Variants in BIN2 observed in about 807,000 individuals in gnomAD.
BIN2 encodes bridging integrator 2, also known as breast cancer associated protein BRAP1.
In BIN2, 43 loss-of-function variants were observed where a neutral mutation model predicts 67.9. The ratio of observed to expected loss-of-function variants is 0.63; its 90% confidence interval spans 0.50 to 0.82. BIN2 has a LOEUF of 0.82. Among genes scored for constraint, BIN2 ranks in the 40% least tolerant of loss-of-function variants. The probability of loss-of-function intolerance (pLI) is 0.00; values close to 1 mark genes in which losing one functional copy is unlikely to be tolerated. For synonymous variants in BIN2, 244 were observed against 246.8 expected, an observed-to-expected ratio of 0.99 and a Z score of 0.11; for missense variants, 581 against 671.6, an observed-to-expected ratio of 0.87 and a Z score of 1.49.
chr12:51,292,091 C>T lies in BIN2; in HGVS notation c.1015G>A (p.Ala339Thr). 1.9e-6 allele frequency: 3 copies of T among 1,614,138 alleles called. No individual in the cohort carries two copies. The highest frequency in any genetic ancestry group is 8.5e-7 in the Non-Finnish European group (1 of 1,180,012). ...TGGGCCTGGGCGGGGCCATTGCAGG[C>T]TGGTAGAGGCTCATCTTCCTCAGAG... ...SSSEEDEPLP[A>T]CNGPAQAQPS... The change falls in exon 10 of 13, where the codon GCC becomes ACC. Residue 339 changes from alanine to threonine, a missense_variant. Transcript: ENST00000615107.
intron 1 of BIN2, among the ~76,000 whole-genome samples, chr12:51,318,016 AGAAAT>A (rs1946177413): frequency 6.6e-6 from 1 of 152,168 alleles, no homozygotes; most frequent in Admixed American, 6.6e-5. Context: ...AAAAGAAAAA[AGAAAT>A]AGAGTATAAA....
intron 6 of BIN2, 119 bp from the exon 7 acceptor site, chr12:51,299,407 TC>T: frequency 9.4e-7 from 1 of 1,058,954 alleles, no homozygotes; most frequent in Admixed American, 1.9e-5. Flanking sequence ...TCCCTCTTCT[TC>T]CCCTGACCAT....
chr12:51,313,204 AAGGAAGGAAGGAAGGAAGGC>A (rs1410582143), intron 2 of BIN2, among the ~76,000 whole-genome samples: 2 of 142,798 alleles, frequency 1.4e-5, no homozygotes, highest in Non-Finnish European at 3.1e-5. Flanking sequence ...GGAAGGAAGG[AAGGAAGGAAGGAAGGAAGGC>A]AGGAAGGCAG....
chr12:51,310,178 T>C (rs564915254), intron 2 of BIN2, among the ~76,000 whole-genome samples: 1 of 152,208 alleles, frequency 6.6e-6, no homozygotes, highest in African/African-American at 2.4e-5. Context: ...AAAACCTGAA[T>C]CTCATCAAGC....
intron 11 of BIN2, 67 bp downstream of exon 11, chr12:51,288,041 A>AG: frequency 8.4e-7 from 1 of 1,184,908 alleles, no homozygotes; most frequent in Non-Finnish European, 1.2e-6. Flanking sequence ...TTCTGGAAAA[A>AG]GAAAAATAAA....
chr12:51,284,688 A>G, intron 12 of BIN2, 28 bp downstream of exon 12: 1 of 1,551,848 alleles, frequency 6.4e-7, no homozygotes, highest in Non-Finnish European at 8.9e-7. Flanking sequence ...TCTAATGCCC[A>G]ATCTATTCTC....
chr12:51,299,522 C>T, intron 6 of BIN2, 85 bp downstream of exon 6: 3 of 1,253,578 alleles, frequency 2.4e-6, no homozygotes, highest in South Asian at 2.4e-5. Context: ...TTCCTATACC[C>T]ATGTTGGCCC....
intron 2 of BIN2, among the ~76,000 whole-genome samples, chr12:51,310,375 ATAAACT>A (rs1317198390): frequency 1.3e-5 from 2 of 152,216 alleles, no homozygotes; most frequent in Admixed American, 6.5e-5. Context: ...CTTAAATCTA[ATAAACT>A]TAAACATGTC....
At chr12:51,302,888 G>A in intron 3 of BIN2, 108 bp from the exon 4 acceptor site, 2 of 1,190,856 alleles carry the variant, frequency 1.7e-6, no homozygotes, top group South Asian at 1.3e-5. Context: ...AACTCAGAAG[G>A]TTTAGGTTAT....
At chr12:51,319,565 G>A (rs1326541333) in intron 1 of BIN2, among the ~76,000 whole-genome samples, 2 of 152,190 alleles carry the variant, frequency 1.3e-5, no homozygotes, top group Non-Finnish European at 2.9e-5. Context: ...ATCCTGCTTT[G>A]AGAATTCTGT....
chr12:51,317,365 T>C lies in BIN2; in HGVS notation c.82-3462A>G, dbSNP rs114402333. Among the ~76,000 whole-genome samples, 587 of 152,248 alleles carry C rather than the reference T, an allele frequency of 3.9e-3. 1 individual carries two copies. Among genetic ancestry groups the C allele is most frequent in the African/African-American group, 0.014 (567 of 41,556 alleles). On this transcript the variant is annotated intron_variant, in intron 1 of 12. Transcript: ENST00000615107. The stretch of plus-strand genomic sequence containing the variant: ...AGTGGAGCCTTGGAGTAGGATTTTC[T>C]AGACTGAAATAGAGTATAGGGGCTA...
At chr12:51,299,368 T>A in intron 6 of BIN2, 80 bp from the exon 7 acceptor site, 1 of 1,394,682 alleles carries the variant, frequency 7.2e-7, no homozygotes, top group South Asian at 1.2e-5. Context: ...CCTCTGCATT[T>A]TTTTAGGCAC....
At position 51,284,797 on chromosome 12, in the gene BIN2, G is replaced by A. The variant is rs1173064024; in HGVS notation, c.1597-10C>T. ...GAAGCTGGTCTTGGCCCTACAAAGA[G>A]AAGAGTTCTGCCAGTAAGAGGTGGC... On this transcript the variant is annotated splice_polypyrimidine_tract_variant and intron_variant, in intron 11 of 12. Coordinates refer to ENST00000615107, the MANE Select transcript of BIN2 (RefSeq NM_016293.4). 1 of 1,608,858 alleles carries A rather than the reference G, an allele frequency of 6.2e-7. No individual in the cohort carries two copies. The highest frequency in any genetic ancestry group is 2.2e-5 in the East Asian group (1 of 44,838).
intron 1 of BIN2, among the ~76,000 whole-genome samples, chr12:51,319,464 CA>C (rs1946214329): frequency 6.6e-6 from 1 of 152,220 alleles, no homozygotes; most frequent in Non-Finnish European, 1.5e-5. Context: ...ACAGGGTGTA[CA>C]GATGCTAAAC....
At chr12:51,322,730 A>G (rs920265181) in intron 1 of BIN2, 4 of 152,090 alleles carry the variant, frequency 2.6e-5, no homozygotes, top group Admixed American at 1.3e-4. Context: ...AAGTCTTCAG[A>G]GAGGCTGAAA....
chr12:51,288,122 C>T lies in BIN2; in HGVS notation c.1582G>A (p.Ala528Thr). The T allele has an allele frequency of 6.2e-7, 1 of 1,613,422 alleles. No individual in the cohort carries two copies. The highest frequency in any genetic ancestry group is 8.5e-7 in the Non-Finnish European group (1 of 1,179,404). ...DKEKDNKLIS[A>T]NSSEGQDQLQ... ...GCTTTTAGTACCTCCGAGGAGTTAGCTGAGATAAGCTTATTATCCTTTTCC... is the reference window on the plus strand; with the variant it reads ...GCTTTTAGTACCTCCGAGGAGTTAGTTGAGATAAGCTTATTATCCTTTTCC... The change falls in exon 11 of 13, where the codon GCT becomes ACT. Residue 528 changes from alanine to threonine, a missense_variant. Transcript: ENST00000615107.
chr12:51,317,345 A>G (rs979335854), intron 1 of BIN2, among the ~76,000 whole-genome samples: 2 of 152,158 alleles, frequency 1.3e-5, no homozygotes, highest in Non-Finnish European at 2.9e-5. Flanking sequence ...GAATGAGTGG[A>G]GCCTTGGAGT....
rs1378751938 is a variant in BIN2, at chr12:51,281,279, C to T, written c.*220G>A. 1.0e-5 allele frequency: 6 copies of T among 580,758 alleles called. No homozygotes were observed. Among genetic ancestry groups the T allele is most frequent in the Non-Finnish European group, 1.9e-5 (6 of 319,214 alleles). 36.0% of individuals were successfully genotyped at this position (580,758 alleles called of 1,614,324 possible). ...AATGCTAAAACCAGAATTAAATATT[C>T]CCTGAGTCTAATGTTCTCTTCTCCC... On this transcript the variant is annotated 3_prime_UTR_variant, in exon 13 of 13. Transcript: ENST00000615107.
At chr12:51,297,652 C>T (rs1003911274) in intron 7 of BIN2, among the ~76,000 whole-genome samples, 3 of 152,104 alleles carry the variant, frequency 2.0e-5, no homozygotes, top group Non-Finnish European at 2.9e-5. Flanking sequence ...CAGGAACACA[C>T]GTGATTCTTA....
Sources: gnomAD v4.1 joint callset for allele counts (sites outside exome capture counted in the v4.1 genomes callset) on GRCh38, gnomAD v4.1.1 for gene constraint, MANE v1.5 for transcripts, NCBI Gene and HGNC (gene_info 2026-07-23, HGNC 2026-07-21) for gene names.